OPCML: variants seen among roughly 807,000 people sequenced by gnomAD.
OPCML encodes opioid binding protein/cell adhesion molecule like.
A neutral mutation model predicts 37.8 loss-of-function variants in OPCML; 13 were observed. That is an observed-to-expected ratio of 0.34 (90% CI 0.22 to 0.55). The LOEUF (loss-of-function observed/expected upper bound fraction) is 0.55. Among genes scored for constraint, OPCML ranks in the 20% least tolerant of loss-of-function variants. The pLI is 0.91. For missense variants in OPCML, 341 were observed against 435.6 expected, an observed-to-expected ratio of 0.78 and a Z score of 1.93; for synonymous variants, 176 against 168.8, an observed-to-expected ratio of 1.04 and a Z score of -0.33.
intron 2 of OPCML, among the ~76,000 whole-genome samples, chr11:132,672,064 T>C (rs1393382809): frequency 6.6e-6 from 1 of 152,182 alleles, no homozygotes; most frequent in African/African-American, 2.4e-5. Flanking sequence ...ACAGATCTGC[T>C]GTCTGTGCTC....
Position 132,420,023 on chromosome 11 carries a change from T to A in OPCML, c.*170A>T. 5.3e-6 allele frequency: 2 copies of A among 379,232 alleles called. No homozygotes were observed. Among genetic ancestry groups the A allele is most frequent in the Non-Finnish European group, 5.0e-6 (1 of 199,730 alleles). The allele number at this position is 379,232 out of a possible 1,614,324, so 23.5% of individuals were successfully genotyped here. ...CCACCCCGCCCCCAACCCCACTCAT[T>A]CAAGCTGGAAATAAAAGCAAACAAA... is the stretch of plus-strand genomic sequence containing the variant. On this transcript the variant is annotated 3_prime_UTR_variant, in exon 8 of 8. Coordinates refer to ENST00000524381, the MANE Select transcript of OPCML (RefSeq NM_001012393.5).
At chr11:132,482,640 T>C (rs1362129688) in intron 4 of OPCML, among the ~76,000 whole-genome samples, 1 of 152,160 alleles carries the variant, frequency 6.6e-6, no homozygotes, top group Non-Finnish European at 1.5e-5. Flanking sequence ...TAGACCAATA[T>C]CCTTGATGAA....
chr11:132,718,885 G>T (rs542972691), intron 2 of OPCML, among the ~76,000 whole-genome samples: 1 of 152,320 alleles, frequency 6.6e-6, no homozygotes, highest in East Asian at 1.9e-4. Flanking sequence ...CAACAGATGA[G>T]CATCTGAGCA....
At chr11:132,710,503 A>G (rs996006904) in intron 2 of OPCML, among the ~76,000 whole-genome samples, 1 of 152,194 alleles carries the variant, frequency 6.6e-6, no homozygotes, top group Non-Finnish European at 1.5e-5. Flanking sequence ...GATGAAAACA[A>G]TTAGTTGAAC....
chr11:132,607,658 T>C (rs1938388487), intron 3 of OPCML, among the ~76,000 whole-genome samples: 1 of 152,246 alleles, frequency 6.6e-6, no homozygotes, highest in African/African-American at 2.4e-5. Context: ...AGACTTGGGT[T>C]CCAGCTTCAG....
chr11:132,757,700 T>G (rs1372445046), intron 2 of OPCML, among the ~76,000 whole-genome samples: 1 of 152,168 alleles, frequency 6.6e-6, no homozygotes, highest in Non-Finnish European at 1.5e-5. Flanking sequence ...GATATTAGCC[T>G]GTTGTCAGAT....
chr11:132,990,784 G>A (rs781410082), intron 1 of OPCML, among the ~76,000 whole-genome samples: 7 of 152,186 alleles, frequency 4.6e-5, no homozygotes, highest in South Asian at 2.1e-4. Flanking sequence ...CGAGCATTCC[G>A]AGTCTCTCTT....
At chr11:132,696,188 T>C (rs1264153176) in intron 2 of OPCML, among the ~76,000 whole-genome samples, 1 of 152,210 alleles carries the variant, frequency 6.6e-6, no homozygotes, top group Non-Finnish European at 1.5e-5. Context: ...TTTCCATGTC[T>C]GTGTTAAGAA....
rs1387925398 is a variant in OPCML, at chr11:133,039,939, GAATTACT to G, written c.62-96936_62-96930del. On this transcript the variant is annotated intron_variant, in intron 1 of 7. Coordinates refer to ENST00000524381, the MANE Select transcript of OPCML (RefSeq NM_001012393.5). ...AGCTACTCGGGAGGCTGAGGCAGGA[GAATTACT>G]TGAACCCGGGAGGCGGAGGTTGCAG... Among the ~76,000 whole-genome samples the G allele has an allele frequency of 1.1e-3, 173 of 151,912 alleles. 1 individual carries two copies. The highest frequency in any genetic ancestry group is 2.1e-3 in the Non-Finnish European group (143 of 67,964).
At chr11:133,507,498 A>T (rs59866002) in intron 1 of OPCML, among the ~76,000 whole-genome samples, 4,532 of 152,254 alleles carry the variant, frequency 0.03, 195 homozygotes, top group African/African-American at 0.092. Flanking sequence ...GCAAGAACAG[A>T]GTTGAGGGGA....
chr11:132,805,723 G>A (rs916924706), intron 2 of OPCML, among the ~76,000 whole-genome samples: 11 of 152,112 alleles, frequency 7.2e-5, no homozygotes, highest in African/African-American at 2.7e-4. Flanking sequence ...ATAAATGAAG[G>A]CTTAGAAAAT....
At chr11:133,507,157 C>A (rs961380006) in intron 1 of OPCML, among the ~76,000 whole-genome samples, 10 of 152,210 alleles carry the variant, frequency 6.6e-5, no homozygotes, top group South Asian at 2.1e-4. Context: ...GCCTGAGGAC[C>A]AAGAGACCCT....
intron 2 of OPCML, among the ~76,000 whole-genome samples, chr11:132,682,408 A>T (rs189766133): frequency 3.0e-4 from 45 of 151,290 alleles, no homozygotes; most frequent in African/African-American, 1.1e-3. Flanking sequence ...ATCATCTTTT[A>T]AAAAAACTCT....
At chr11:133,080,295 A>G (rs1026536964) in intron 1 of OPCML, among the ~76,000 whole-genome samples, 1 of 152,100 alleles carries the variant, frequency 6.6e-6, no homozygotes, top group Non-Finnish European at 1.5e-5. Flanking sequence ...CAGCTTTGGT[A>G]GGTCTGGGAT....
chr11:133,130,949 C>T (rs983404858), intron 1 of OPCML, among the ~76,000 whole-genome samples: 3 of 152,164 alleles, frequency 2.0e-5, no homozygotes, highest in East Asian at 1.9e-4. Context: ...CACTCCCTCA[C>T]TGCCTCTGCC....
At chr11:133,020,643 AG>A (rs1234344699) in intron 1 of OPCML, among the ~76,000 whole-genome samples, 1 of 152,126 alleles carries the variant, frequency 6.6e-6, no homozygotes, top group Non-Finnish European at 1.5e-5. Context: ...GTGAGTAAAG[AG>A]GGGGGATTTT....
At chr11:132,990,745 T>C (rs1378250590) in intron 1 of OPCML, among the ~76,000 whole-genome samples, 1 of 152,144 alleles carries the variant, frequency 6.6e-6, no homozygotes, top group African/African-American at 2.4e-5. Context: ...AACTGAAGAT[T>C]TTAGTTGTGT....
At chr11:132,925,621 A>G (rs1395333346) in intron 2 of OPCML, among the ~76,000 whole-genome samples, 2 of 152,048 alleles carry the variant, frequency 1.3e-5, no homozygotes, top group African/African-American at 4.8e-5. Context: ...CCATCACTCA[A>G]TGGTCTTTTT....
At chr11:132,806,453 G>C (rs1435844422) in intron 2 of OPCML, among the ~76,000 whole-genome samples, 1 of 152,150 alleles carries the variant, frequency 6.6e-6, no homozygotes, top group East Asian at 1.9e-4. Context: ...GAAAGTTGAT[G>C]TGGGTTTATT....
Sources: gnomAD v4.1 joint callset for allele counts (sites outside exome capture counted in the v4.1 genomes callset) on GRCh38, gnomAD v4.1.1 for gene constraint, MANE v1.5 for transcripts, NCBI Gene and HGNC (gene_info 2026-07-23, HGNC 2026-07-21) for gene names.